The following SH3RF3 variants were observed in gnomAD, a reference collection of about 807,000 sequenced individuals.
SH3RF3 encodes the protein E3 ubiquitin-protein ligase SH3RF3.
A neutral mutation model predicts 66.3 loss-of-function variants in SH3RF3; 29 were observed. The ratio of observed to expected loss-of-function variants is 0.44; its 90% CI spans 0.33 to 0.60. SH3RF3 has a LOEUF of 0.60. SH3RF3 is among the 20% of genes least tolerant of loss of function. SH3RF3 has a pLI of 0.04. For missense variants in SH3RF3, 1,194 were observed against 1,190.9 expected (o/e 1.00, Z -0.04); for synonymous variants, 583 against 532.0 (o/e 1.10, Z -1.32).
At chr2:109,241,744 C>A (rs953826554) in intron 1 of SH3RF3, among the ~76,000 whole-genome samples, 1 of 151,744 alleles carries the variant, frequency 6.6e-6, no homozygotes, top group African/African-American at 2.4e-5. Context: ...TCCCACCCTG[C>A]GTGTTTCCCT....
intron 5 of SH3RF3, 105 bp downstream of exon 5, chr2:109,419,747 C>A: frequency 9.1e-7 from 1 of 1,094,856 alleles, no homozygotes; most frequent in Non-Finnish European, 1.3e-6. Context: ...CCATGTGTTA[C>A]TAGTTGGCCA....
At chr2:109,171,354 C>G (rs1485257859) in intron 1 of SH3RF3, among the ~76,000 whole-genome samples, 2 of 152,132 alleles carry the variant, frequency 1.3e-5, no homozygotes, top group African/African-American at 4.8e-5. Context: ...TTTGTCATCT[C>G]TATACAAAAT....
intron 1 of SH3RF3, among the ~76,000 whole-genome samples, chr2:109,221,694 C>T (rs930073535): frequency 6.6e-6 from 1 of 151,812 alleles, no homozygotes; most frequent in Non-Finnish European, 1.5e-5. Flanking sequence ...CTCTTCCTTT[C>T]CTTCCCCAAT....
chr2:109,262,999 GTTTTTTGTATTT>G (rs1485819073), intron 1 of SH3RF3, among the ~76,000 whole-genome samples: 1 of 149,096 alleles, frequency 6.7e-6, no homozygotes, highest in East Asian at 2.0e-4. Context: ...CACCTGGCTC[GTTTTTTGTATTT>G]TTTTTTGTAT....
chr2:109,239,222 C>T (rs1679722033), intron 1 of SH3RF3, among the ~76,000 whole-genome samples: 1 of 151,836 alleles, frequency 6.6e-6, no homozygotes, highest in South Asian at 2.1e-4. Flanking sequence ...AGCTGGGGTC[C>T]GTAAATACGG....
chr2:109,399,395 T>C (rs1676243101), intron 4 of SH3RF3, among the ~76,000 whole-genome samples: 1 of 152,202 alleles, frequency 6.6e-6, no homozygotes, highest in African/African-American at 2.4e-5. Flanking sequence ...TTGAGTACTT[T>C]CGTTACTGTT....
intron 3 of SH3RF3, among the ~76,000 whole-genome samples, chr2:109,388,390 C>A (rs1372772655): frequency 6.6e-6 from 1 of 151,218 alleles, no homozygotes; most frequent in African/African-American, 2.5e-5. Flanking sequence ...CCACAGATTG[C>A]CTGGCAGAGC....
At chr2:109,202,331 A>G (rs1359542151) in intron 1 of SH3RF3, among the ~76,000 whole-genome samples, 1 of 152,140 alleles carries the variant, frequency 6.6e-6, no homozygotes, top group Non-Finnish European at 1.5e-5. Flanking sequence ...GAAACTCCCT[A>G]GGAGTGTGTC....
At chr2:109,144,231 A>G (rs1677039854) in intron 1 of SH3RF3, among the ~76,000 whole-genome samples, 1 of 152,278 alleles carries the variant, frequency 6.6e-6, no homozygotes, top group Non-Finnish European at 1.5e-5. Context: ...ACGTGAGGTG[A>G]TAGATATATA....
intron 1 of SH3RF3, among the ~76,000 whole-genome samples, chr2:109,195,653 G>T (rs1678480967): frequency 6.6e-6 from 1 of 152,182 alleles, no homozygotes; most frequent in Non-Finnish European, 1.5e-5. Context: ...CTCTGACCGT[G>T]TGCCAGAGAG....
chr2:109,345,971 A>G (rs1682685342), intron 1 of SH3RF3, among the ~76,000 whole-genome samples: 1 of 152,234 alleles, frequency 6.6e-6, no homozygotes, highest in South Asian at 2.1e-4. Context: ...GTCCCAAATT[A>G]AGATTCCCTG....
Position 109,248,031 on chromosome 2 carries a change from C to T in SH3RF3, c.574-99643C>T, listed in dbSNP as rs151092112. 2.1e-3 allele frequency among the ~76,000 whole-genome samples: 323 copies of T among 152,290 alleles called. 1 individual carries two copies. Among genetic ancestry groups the T allele is most frequent in the African/African-American group, 7.5e-3 (310 of 41,536 alleles). ...GTCACAGGGCTGCCAAATCTAGAGG[C>T]AACCTTGGATGGAATATTCCAAGGG... is the stretch of plus-strand genomic sequence containing the variant. On this transcript the variant is annotated intron_variant, in intron 1 of 9. Coordinates refer to ENST00000309415, the MANE Select transcript of SH3RF3 (RefSeq NM_001099289.3).
chr2:109,363,283 A>G (rs1177681807), intron 2 of SH3RF3, among the ~76,000 whole-genome samples: 2 of 152,112 alleles, frequency 1.3e-5, no homozygotes, highest in Non-Finnish European at 2.9e-5. Context: ...TTCATTTACA[A>G]TGAATTCAAG....
At chr2:109,302,103 G>A (rs1199985538) in intron 1 of SH3RF3, among the ~76,000 whole-genome samples, 1 of 152,160 alleles carries the variant, frequency 6.6e-6, no homozygotes, top group African/African-American at 2.4e-5. Flanking sequence ...CACTGCAATC[G>A]ATAGCAGAGA....
chr2:109,278,284 C>T (rs955202992), intron 1 of SH3RF3, among the ~76,000 whole-genome samples: 22 of 152,206 alleles, frequency 1.4e-4, no homozygotes, highest in Non-Finnish European at 2.4e-4. Context: ...GGCAGGGCCC[C>T]GTGCTTCAGC....
chr2:109,314,860 A>T (rs988614759), intron 1 of SH3RF3, among the ~76,000 whole-genome samples: 1 of 152,226 alleles, frequency 6.6e-6, no homozygotes, highest in African/African-American at 2.4e-5. Context: ...ATATTAGAGG[A>T]GACCCTCTGA....
intron 9 of SH3RF3, among the ~76,000 whole-genome samples, chr2:109,494,051 G>A (rs567930410): frequency 3.1e-4 from 47 of 152,108 alleles, no homozygotes; most frequent in Non-Finnish European, 5.7e-4. Flanking sequence ...CTGCCGGCTC[G>A]TGAGAATGAC....
intron 4 of SH3RF3, among the ~76,000 whole-genome samples, chr2:109,416,530 G>T (rs200728577): frequency 6.6e-6 from 1 of 152,240 alleles, no homozygotes; most frequent in East Asian, 1.9e-4. Context: ...GATTACAGGC[G>T]TGCGCCATCA....
At chr2:109,455,038 T>C (rs901303249) in intron 8 of SH3RF3, among the ~76,000 whole-genome samples, 6 of 152,352 alleles carry the variant, frequency 3.9e-5, no homozygotes, top group Non-Finnish European at 7.3e-5. Context: ...CTCTCCATTT[T>C]CCATGATGTT....
Sources: gnomAD v4.1 joint callset for allele counts (sites outside exome capture counted in the v4.1 genomes callset) on GRCh38, gnomAD v4.1.1 for gene constraint, MANE v1.5 for transcripts, NCBI Gene and HGNC (gene_info 2026-07-23, HGNC 2026-07-21) for gene names.